Variants in SPAG16 observed in about 807,000 individuals in gnomAD.
SPAG16 encodes sperm-associated antigen 16 protein.
A neutral mutation model predicts 80.4 loss-of-function variants in SPAG16; 86 were observed. The observed-to-expected ratio is 1.07, with a 90% confidence interval of 0.90 to 1.28. SPAG16 has a LOEUF of 1.28. SPAG16 is among the 50% of genes most tolerant of loss of function. The pLI, the probability that SPAG16 is intolerant of heterozygous loss-of-function variation, is 0.00. For missense variants in SPAG16, 870 were observed against 765.3 expected (o/e 1.14, Z -1.61); for synonymous variants, 294 against 265.9 (o/e 1.11, Z -1.03).
chr2:213,580,439 A>G (rs2060263672), intron 10 of SPAG16, among the ~76,000 whole-genome samples: 1 of 152,130 alleles, frequency 6.6e-6, no homozygotes. Flanking sequence ...TCTACCTATG[A>G]GCAAATAAAA....
chr2:214,315,501 TTTTATTTATTTATTTATTTATTTATTTA>T (rs145465479), intron 15 of SPAG16, among the ~76,000 whole-genome samples: 2 of 144,186 alleles, frequency 1.4e-5, no homozygotes, highest in African/African-American at 5.2e-5. Flanking sequence ...GCCCCATCTT[TTTTATTTATTTATTTATTTATTTATTTA>T]TTTATTTATT....
chr2:213,725,374 C>G (rs995407111), intron 10 of SPAG16, among the ~76,000 whole-genome samples: 2 of 152,190 alleles, frequency 1.3e-5, no homozygotes. Flanking sequence ...TAATCTGATT[C>G]TTAGTACTCC....
At chr2:214,289,437 A>G (rs1693628190) in intron 15 of SPAG16, among the ~76,000 whole-genome samples, 2 of 152,296 alleles carry the variant, frequency 1.3e-5, no homozygotes, top group South Asian at 2.1e-4. Context: ...GTCCAGATTC[A>G]TTATTTTACA....
chr2:213,533,203 A>G (rs1250116094), intron 10 of SPAG16, among the ~76,000 whole-genome samples: 1 of 152,192 alleles, frequency 6.6e-6, no homozygotes, highest in Non-Finnish European at 1.5e-5. Flanking sequence ...TATATACACA[A>G]CACTAATTCA....
chr2:213,461,524 A>G lies in SPAG16; in HGVS notation c.943-28439A>G, dbSNP rs148939425. Among the ~76,000 whole-genome samples, 58 of 152,320 alleles carry G rather than the reference A, an allele frequency of 3.8e-4. 2 individuals carry two copies. In the East Asian group the frequency reaches 0.011, roughly 28 times the overall value. On this transcript the variant is annotated intron_variant, in intron 9 of 15. Coordinates refer to ENST00000331683, the MANE Select transcript of SPAG16 (RefSeq NM_024532.5). ...AGGGAGACATATTAGAGGCTGCAGC[A>G]ACATCTTGTGAAAACAATGAAACTT...
At position 213,646,131 on chromosome 2, in the gene SPAG16, G is replaced by C. The variant is rs567489968; in HGVS notation, c.1070+156041G>C. On this transcript the variant is annotated intron_variant, in intron 10 of 15. Transcript: ENST00000331683. The stretch of plus-strand genomic sequence containing the variant: ...CTCCAAACCTGCCCCAGGTCAGGGA[G>C]GGGTGGCATCATGATTCAAAACTGT... Among the ~76,000 whole-genome samples, 5 of 152,340 alleles carry C rather than the reference G, an allele frequency of 3.3e-5. No individual in the cohort carries two copies. In the South Asian group the frequency reaches 8.3e-4, roughly 25 times the overall value.
chr2:214,261,107 C>CAAAAAAAAAAAAAAAAAAAA lies in SPAG16; in HGVS notation c.1720+111868_1720+111887dup, dbSNP rs558534808. 1.3e-4 allele frequency among the ~76,000 whole-genome samples: 7 copies of CAAAAAAAAAAAAAAAAAAAA among 54,470 alleles called. 1 individual carries two copies. The highest frequency in any genetic ancestry group is 1.9e-4 in the Non-Finnish European group (6 of 31,432). The allele number at this position is 54,470 out of a possible 152,430, so 35.7% of individuals were successfully genotyped here. A position where few individuals can be genotyped will look rare whatever the true frequency, so the allele number is the denominator to read the frequency against. On this transcript the variant is annotated intron_variant, in intron 15 of 15. Coordinates refer to ENST00000331683, the MANE Select transcript of SPAG16 (RefSeq NM_024532.5). ...GGGCTACAAGAGCAAGACTCAGTCT[C>CAAAAAAAAAAAAAAAAAAAA]AAAAAAAAAAAAAAAAAAAAAAAAA...
At chr2:213,290,787 GT>G (rs1168371497) in intron 1 of SPAG16, among the ~76,000 whole-genome samples, 1 of 152,190 alleles carries the variant, frequency 6.6e-6, no homozygotes, top group African/African-American at 2.4e-5. Flanking sequence ...AGTGTACAGA[GT>G]TTTATCATTC....
At chr2:214,176,392 C>A (rs551889378) in intron 15 of SPAG16, among the ~76,000 whole-genome samples, 1 of 151,108 alleles carries the variant, frequency 6.6e-6, no homozygotes, top group Non-Finnish European at 1.5e-5. Flanking sequence ...ATAAAACTTA[C>A]AATGAAAAAA....
chr2:213,483,033 CTTTA>C (rs1213135617), intron 9 of SPAG16, among the ~76,000 whole-genome samples: 2 of 152,018 alleles, frequency 1.3e-5, no homozygotes, highest in Non-Finnish European at 2.9e-5. Context: ...TTTGGACACA[CTTTA>C]TTTTAGTTGC....
intron 10 of SPAG16, among the ~76,000 whole-genome samples, chr2:213,772,061 A>G (rs912208094): frequency 5.9e-5 from 9 of 152,198 alleles, no homozygotes; most frequent in Non-Finnish European, 8.8e-5. Flanking sequence ...TTTTCAAAAC[A>G]TTGATTCTTC....
chr2:213,565,295 T>TA (rs902061631), intron 10 of SPAG16, among the ~76,000 whole-genome samples: 31 of 152,234 alleles, frequency 2.0e-4, no homozygotes, highest in African/African-American at 7.0e-4. Flanking sequence ...AAGAAAGAGA[T>TA]ACTTTCTTCA....
At chr2:213,923,435 G>A (rs1448675260) in intron 11 of SPAG16, among the ~76,000 whole-genome samples, 1 of 152,174 alleles carries the variant, frequency 6.6e-6, no homozygotes, top group Non-Finnish European at 1.5e-5. Flanking sequence ...TGGGCCAGAA[G>A]CCCCAGCAAG....
chr2:214,205,210 C>A (rs532459222), intron 15 of SPAG16, among the ~76,000 whole-genome samples: 2 of 148,986 alleles, frequency 1.3e-5, no homozygotes, highest in East Asian at 2.0e-4. Context: ...GGCAACAGAG[C>A]GAGACTCTGC....
chr2:213,611,569 G>C (rs2125018942), intron 10 of SPAG16, among the ~76,000 whole-genome samples: 1 of 152,162 alleles, frequency 6.6e-6, no homozygotes, highest in African/African-American at 2.4e-5. Context: ...TTTGAATCGT[G>C]CCTTCTATTT....
At chr2:213,717,187 G>A (rs1354517149) in intron 10 of SPAG16, among the ~76,000 whole-genome samples, 1 of 140,060 alleles carries the variant, frequency 7.1e-6, no homozygotes, top group East Asian at 2.0e-4. Context: ...ACGGAATCTC[G>A]TCTGTCGCCC....
At chr2:214,038,678 G>A (rs2048840252) in intron 13 of SPAG16, among the ~76,000 whole-genome samples, 1 of 151,446 alleles carries the variant, frequency 6.6e-6, no homozygotes, top group Non-Finnish European at 1.5e-5. Flanking sequence ...ATCTCCAAAT[G>A]CTATCCCTCC....
At chr2:214,182,008 A>T (rs2057323323) in intron 15 of SPAG16, among the ~76,000 whole-genome samples, 1 of 151,838 alleles carries the variant, frequency 6.6e-6, no homozygotes, top group Non-Finnish European at 1.5e-5. Context: ...TGCAACAGTG[A>T]TTTAAAGCCC....
intron 10 of SPAG16, among the ~76,000 whole-genome samples, chr2:213,720,026 T>C (rs904445128): frequency 1.3e-5 from 2 of 152,184 alleles, no homozygotes; most frequent in Admixed American, 1.3e-4. Flanking sequence ...GATGAGTTCA[T>C]GTCCTTTGCA....
Sources: allele counts gnomAD v4.1 joint callset (sites outside exome capture counted in the v4.1 genomes callset), GRCh38; gene constraint gnomAD v4.1.1; transcripts MANE v1.5; gene names NCBI Gene and HGNC (gene_info 2026-07-23, HGNC 2026-07-21).